Variants in KCNMB2 observed in about 807,000 individuals in gnomAD.
The protein encoded by KCNMB2 is calcium-activated potassium channel subunit beta-2.
Under a neutral mutation model 24.5 loss-of-function variants are expected in KCNMB2, and 9 were observed. That is an observed-to-expected ratio of 0.37 (90% CI 0.22 to 0.64). KCNMB2 has a LOEUF of 0.64. Among genes scored for constraint, KCNMB2 ranks in the 30% least tolerant of loss-of-function variants. The pLI, the probability that KCNMB2 is intolerant of heterozygous loss-of-function variation, is 0.63. For synonymous variants in KCNMB2, 109 were observed against 104.4 expected (o/e 1.04, Z -0.27); for missense variants, 226 against 284.3 (o/e 0.79, Z 1.47).
chr3:178,623,242 G>A (rs567704715), intron 1 of KCNMB2, among the ~76,000 whole-genome samples: 13 of 152,304 alleles, frequency 8.5e-5, no homozygotes, highest in African/African-American at 2.4e-4. Flanking sequence ...CTCAGATACC[G>A]CTTCAATCAC....
At chr3:178,617,817 G>A (rs1341696072) in intron 1 of KCNMB2, among the ~76,000 whole-genome samples, 1 of 149,684 alleles carries the variant, frequency 6.7e-6, no homozygotes, top group Admixed American at 6.7e-5. Context: ...CTTAAACCCA[G>A]GAGGCAGAGA....
At chr3:178,750,391 A>C (rs191533811) in intron 1 of KCNMB2, among the ~76,000 whole-genome samples, 1 of 152,280 alleles carries the variant, frequency 6.6e-6, no homozygotes, top group Admixed American at 6.5e-5. Context: ...ACAAAAAAAA[A>C]CAAAAACAAA....
At chr3:178,586,931 TG>T (rs1717463632) in intron 1 of KCNMB2, among the ~76,000 whole-genome samples, 1 of 152,212 alleles carries the variant, frequency 6.6e-6, no homozygotes, top group African/African-American at 2.4e-5. Context: ...AGTACAATAT[TG>T]TTTTTTATGT....
intron 1 of KCNMB2, among the ~76,000 whole-genome samples, chr3:178,695,009 C>T (rs1030211553): frequency 6.6e-6 from 1 of 152,240 alleles, no homozygotes; most frequent in African/African-American, 2.4e-5. Flanking sequence ...AGGGCTCCAC[C>T]CCTGCAGCAG....
In KCNMB2 at chr3:178,725,396, C is replaced by A. The variant is rs538503361; in HGVS notation, c.-67-81947C>A. On this transcript the variant is annotated intron_variant, in intron 1 of 4. Transcript: ENST00000452583. ...AATAAAAGGCACTGCCCTCCCCCCA[C>A]CAAAAAACGAAAAAGTTATCACCAC... Among the ~76,000 whole-genome samples, 28 of 151,928 alleles carry A rather than the reference C, an allele frequency of 1.8e-4. No individual in the cohort carries two copies. The Middle Eastern group carries it at 0.017, about 92-fold the overall frequency.
At position 178,844,300 on chromosome 3, in the gene KCNMB2, A is replaced by T. The variant is rs1263634026; in HGVS notation, c.*1363A>T. The T allele has an allele frequency of 1.3e-5, 2 of 152,512 alleles. No individual in the cohort carries two copies. Among genetic ancestry groups the T allele is most frequent in the Non-Finnish European group, 2.9e-5 (2 of 67,946 alleles). 9.4% of individuals were successfully genotyped at this position (152,512 alleles called of 1,614,324 possible). On this transcript the variant is annotated 3_prime_UTR_variant, in exon 5 of 5. Transcript: ENST00000452583. ...AATCATTTGTGGAATGAATGGTAAA[A>T]CTAATCTGATGAAATGGAAAATTAT...
At chr3:178,838,395 G>A (rs1715307494) in intron 4 of KCNMB2, among the ~76,000 whole-genome samples, 1 of 152,110 alleles carries the variant, frequency 6.6e-6, no homozygotes, top group Non-Finnish European at 1.5e-5. Flanking sequence ...CTATACAAAT[G>A]TATTCACATT....
At chr3:178,804,120 G>A (rs530352360) in intron 1 of KCNMB2, among the ~76,000 whole-genome samples, 5 of 152,302 alleles carry the variant, frequency 3.3e-5, no homozygotes, top group South Asian at 2.1e-4. Flanking sequence ...TCTGTTTTAC[G>A]TGAGGATTCC....
At chr3:178,756,818 A>C (rs1467089239) in intron 1 of KCNMB2, among the ~76,000 whole-genome samples, 2 of 152,074 alleles carry the variant, frequency 1.3e-5, no homozygotes, top group African/African-American at 4.8e-5. Flanking sequence ...CTTAGAGTTA[A>C]CAGCATTAAA....
chr3:178,616,743 C>T (rs184670710), intron 1 of KCNMB2, among the ~76,000 whole-genome samples: 2 of 152,300 alleles, frequency 1.3e-5, no homozygotes, highest in African/African-American at 2.4e-5. Context: ...ATCTCACCAT[C>T]TTGCCCTGCC....
chr3:178,629,921 T>C (rs1719255246), intron 1 of KCNMB2, among the ~76,000 whole-genome samples: 2 of 152,166 alleles, frequency 1.3e-5, no homozygotes, highest in African/African-American at 4.8e-5. Context: ...CAGTATAGGC[T>C]AGTGATGGTT....
At chr3:178,582,381 G>A (rs1326089102) in intron 1 of KCNMB2, among the ~76,000 whole-genome samples, 2 of 152,042 alleles carry the variant, frequency 1.3e-5, no homozygotes, top group Admixed American at 1.3e-4. Context: ...GTTAGGGGAG[G>A]GATAGCCTTA....
chr3:178,613,007 AAAAC>A (rs1718549930), intron 1 of KCNMB2, among the ~76,000 whole-genome samples: 1 of 152,250 alleles, frequency 6.6e-6, no homozygotes, highest in Admixed American at 6.5e-5. Context: ...GCATAAACAA[AAAAC>A]AAACAAAAAG....
At chr3:178,737,319 A>T (rs1216631407) in intron 1 of KCNMB2, among the ~76,000 whole-genome samples, 1 of 152,148 alleles carries the variant, frequency 6.6e-6, no homozygotes, top group Non-Finnish European at 1.5e-5. Flanking sequence ...TCTTCCCCCA[A>T]GATAAACCAC....
chr3:178,643,549 G>T (rs1719803257), intron 1 of KCNMB2, among the ~76,000 whole-genome samples: 1 of 152,104 alleles, frequency 6.6e-6, no homozygotes, highest in African/African-American at 2.4e-5. Context: ...ACTTTCCTGT[G>T]CATTTCTTTG....
At chr3:178,682,609 G>T (rs754192241) in intron 1 of KCNMB2, among the ~76,000 whole-genome samples, 3 of 151,776 alleles carry the variant, frequency 2.0e-5, no homozygotes, top group Non-Finnish European at 4.4e-5. Context: ...AATTAATTTT[G>T]ATGATTTAAT....
chr3:178,808,781 A>C (rs542267832), intron 2 of KCNMB2, among the ~76,000 whole-genome samples: 1 of 152,352 alleles, frequency 6.6e-6, no homozygotes, highest in South Asian at 2.1e-4. Context: ...GATTGCAGCC[A>C]CAAAAAATAT....
At chr3:178,549,400 T>A (rs1168396684) in intron 1 of KCNMB2, among the ~76,000 whole-genome samples, 1 of 148,154 alleles carries the variant, frequency 6.7e-6, no homozygotes, top group African/African-American at 2.5e-5. Context: ...AGTCTCTGCC[T>A]CCTGGGTTCA....
chr3:178,576,748 C>A (rs910176769), intron 1 of KCNMB2, among the ~76,000 whole-genome samples: 3 of 152,188 alleles, frequency 2.0e-5, no homozygotes, highest in Admixed American at 1.3e-4. Context: ...AGGGCAGAGC[C>A]CACCACACCT....
Sources: gnomAD v4.1 joint callset for allele counts (sites outside exome capture counted in the v4.1 genomes callset) on GRCh38, gnomAD v4.1.1 for gene constraint, MANE v1.5 for transcripts, NCBI Gene and HGNC (gene_info 2026-07-23, HGNC 2026-07-21) for gene names.